The following PAPPA2 variants were observed in gnomAD, a reference collection of about 807,000 sequenced individuals.
PAPPA2 encodes the protein pappalysin 2.
PAPPA2 carries 86 observed loss-of-function variants against 176.4 expected under a neutral mutation model. The ratio of observed to expected loss-of-function variants is 0.49; its 90% confidence interval spans 0.41 to 0.58. PAPPA2 has a LOEUF of 0.58. PAPPA2 is among the 20% of genes least tolerant of loss of function. The probability of loss-of-function intolerance (pLI) is 0.00; values close to 1 mark genes in which losing one functional copy is unlikely to be tolerated. For missense variants in PAPPA2, 2,073 were observed against 2,256.9 expected (o/e 0.92, Z 1.65); for synonymous variants, 809 against 852.2 (o/e 0.95, Z 0.88).
intron 14 of PAPPA2, among the ~76,000 whole-genome samples, chr1:176,758,083 G>A (rs1571281857): frequency 6.6e-6 from 1 of 152,176 alleles, no homozygotes; most frequent in Non-Finnish European, 1.5e-5. Context: ...AGGAATGGAA[G>A]GATAAGTCAG....
rs552133991 is a variant in PAPPA2, at chr1:176,793,765, C to T, written c.5130+96C>T. On this transcript the variant is annotated intron_variant, in intron 20 of 22. Coordinates refer to ENST00000367662, the MANE Select transcript of PAPPA2 (RefSeq NM_020318.3). ...GGAGTAATTTCAGAGGCTTTCAAAG[C>T]ATCCTCAAAGCAAACAACCACATGG... 27 of 896,754 alleles carry T rather than the reference C, an allele frequency of 3.0e-5. No homozygotes were observed. The South Asian group carries it at 5.0e-4, about 16-fold the overall frequency. 55.5% of individuals were successfully genotyped at this position (896,754 alleles called of 1,614,324 possible).
chr1:176,818,319 G>T (rs551304412), intron 21 of PAPPA2, among the ~76,000 whole-genome samples: 1 of 152,292 alleles, frequency 6.6e-6, no homozygotes, highest in African/African-American at 2.4e-5. Flanking sequence ...TCAGTCAAGA[G>T]TCAAGTGAGA....
chr1:176,639,147 G>T (rs752136521), intron 3 of PAPPA2, among the ~76,000 whole-genome samples: 29 of 152,140 alleles, frequency 1.9e-4, no homozygotes, highest in Middle Eastern at 3.4e-3. Context: ...AATGCCAGAT[G>T]AAAAAAACTA....
chr1:176,725,997 G>T (rs1411735679), intron 12 of PAPPA2, among the ~76,000 whole-genome samples: 2 of 152,150 alleles, frequency 1.3e-5, no homozygotes, highest in Non-Finnish European at 2.9e-5. Context: ...AGCCAGGATG[G>T]TCTCGATTTC....
At chr1:176,680,188 C>T (rs1659514676) in intron 4 of PAPPA2, among the ~76,000 whole-genome samples, 1 of 152,116 alleles carries the variant, frequency 6.6e-6, no homozygotes, top group Non-Finnish European at 1.5e-5. Flanking sequence ...ATAAAAGATG[C>T]CTCCAAGTGA....
chr1:176,752,301 C>T (rs1297681774), intron 14 of PAPPA2, among the ~76,000 whole-genome samples: 2 of 125,490 alleles, frequency 1.6e-5, no homozygotes, highest in African/African-American at 3.2e-5. Context: ...ATGTAACTAA[C>T]CTGCACAATG....
At chr1:176,565,343 A>G (rs1430948585) in intron 2 of PAPPA2, among the ~76,000 whole-genome samples, 1 of 152,152 alleles carries the variant, frequency 6.6e-6, no homozygotes, top group African/African-American at 2.4e-5. Flanking sequence ...AAGTGGCTGC[A>G]CAATTTAGTA....
intron 1 of PAPPA2, among the ~76,000 whole-genome samples, chr1:176,513,224 C>T (rs1364861585): frequency 6.6e-6 from 1 of 152,106 alleles, no homozygotes; most frequent in Admixed American, 6.6e-5. Flanking sequence ...GATTCAGTTT[C>T]TCTGGAGAAC....
intron 3 of PAPPA2, among the ~76,000 whole-genome samples, chr1:176,607,408 A>G (rs897472953): frequency 6.6e-6 from 1 of 152,036 alleles, no homozygotes; most frequent in Non-Finnish European, 1.5e-5. Context: ...TCTACTCTCT[A>G]CCTTTGTGAG....
At chr1:176,747,025 T>C (rs1662942568) in intron 14 of PAPPA2, among the ~76,000 whole-genome samples, 1 of 152,196 alleles carries the variant, frequency 6.6e-6, no homozygotes, top group Non-Finnish European at 1.5e-5. Context: ...GGGCACAAAT[T>C]TACTTTATTT....
intron 2 of PAPPA2, among the ~76,000 whole-genome samples, chr1:176,562,530 T>G (rs1307893351): frequency 1.3e-5 from 2 of 152,208 alleles, no homozygotes; most frequent in Admixed American, 1.3e-4. Flanking sequence ...CAGCAAGGTT[T>G]GAAGTCAGAG....
At chr1:176,691,979 T>C (rs567805441) in intron 5 of PAPPA2, 147 bp from the exon 6 acceptor site, 1 of 727,252 alleles carries the variant, frequency 1.4e-6, no homozygotes, top group African/African-American at 1.8e-5. Flanking sequence ...TGGAACAGAT[T>C]GCATTTGTTC....
chr1:176,654,186 A>G (rs1428912348), intron 3 of PAPPA2, among the ~76,000 whole-genome samples: 1 of 151,650 alleles, frequency 6.6e-6, no homozygotes, highest in Non-Finnish European at 1.5e-5. Flanking sequence ...TTATAGTTTC[A>G]AATCTTACAT....
chr1:176,718,700 T>A (rs1410190867), intron 12 of PAPPA2, among the ~76,000 whole-genome samples: 1 of 150,568 alleles, frequency 6.6e-6, no homozygotes, highest in Non-Finnish European at 1.5e-5. Flanking sequence ...TGGGGTAACT[T>A]TTTTTTTTAA....
intron 4 of PAPPA2, among the ~76,000 whole-genome samples, chr1:176,673,333 T>C (rs946744618): frequency 2.6e-5 from 4 of 152,142 alleles, no homozygotes; most frequent in African/African-American, 9.7e-5. Flanking sequence ...TGTAGTCCAT[T>C]TAATAGTGAG....
chr1:176,780,659 G>T (rs12116457), intron 17 of PAPPA2, among the ~76,000 whole-genome samples: 1 of 151,746 alleles, frequency 6.6e-6, no homozygotes, highest in African/African-American at 2.4e-5. Flanking sequence ...GCTCTGTCAG[G>T]TCAGTATTCC....
At chr1:176,734,858 A>G (rs1186234851) in intron 12 of PAPPA2, among the ~76,000 whole-genome samples, 1 of 152,180 alleles carries the variant, frequency 6.6e-6, no homozygotes, top group African/African-American at 2.4e-5. Context: ...AATGGCTTTT[A>G]AAAGTGTCTG....
chr1:176,807,663 T>C (rs1307168839), intron 21 of PAPPA2, among the ~76,000 whole-genome samples: 1 of 151,976 alleles, frequency 6.6e-6, no homozygotes, highest in Non-Finnish European at 1.5e-5. Flanking sequence ...ACCTGGCTGA[T>C]TTTTGTATTT....
intron 3 of PAPPA2, among the ~76,000 whole-genome samples, chr1:176,650,698 G>C (rs1657668902): frequency 6.6e-6 from 1 of 151,458 alleles, no homozygotes; most frequent in South Asian, 2.1e-4. Flanking sequence ...GAATTGAGTT[G>C]TTTATATTCA....
Sources: allele counts gnomAD v4.1 joint callset (sites outside exome capture counted in the v4.1 genomes callset), GRCh38; gene constraint gnomAD v4.1.1; transcripts MANE v1.5; gene names NCBI Gene and HGNC (gene_info 2026-07-23, HGNC 2026-07-21).